The following SLC7A1 variants were observed in gnomAD, a reference collection of about 807,000 sequenced individuals.
SLC7A1 encodes high affinity cationic amino acid transporter 1.
In SLC7A1, 10 loss-of-function variants were observed where a neutral mutation model predicts 53.9. The ratio of observed to expected loss-of-function variants is 0.19; its 90% confidence interval spans 0.11 to 0.31. The LOEUF (loss-of-function observed/expected upper bound fraction) is 0.31, where lower values mean the gene tolerates loss of function less well. SLC7A1 is among the 10% of genes least tolerant of loss of function. The pLI, the probability that SLC7A1 is intolerant of heterozygous loss-of-function variation, is 1.00. For missense variants in SLC7A1, 525 were observed against 827.2 expected (o/e 0.63, Z 4.48); for synonymous variants, 342 against 338.7 (o/e 1.01, Z -0.11).
intron 1 of SLC7A1, among the ~76,000 whole-genome samples, chr13:29,594,208 G>T (rs1245229760): frequency 6.6e-6 from 1 of 152,184 alleles, no homozygotes; most frequent in African/African-American, 2.4e-5. Flanking sequence ...ATACAATTAG[G>T]GCATTCGGCC....
Position 29,510,096 on chromosome 13 carries a change from ATCT to A in SLC7A1, c.*4381_*4383del, listed in dbSNP as rs1444964687. The A allele has an allele frequency of 6.6e-6, 1 of 152,500 alleles. No homozygotes were observed. Among genetic ancestry groups the A allele is most frequent in the African/African-American group, 2.4e-5 (1 of 41,398 alleles). 9.4% of individuals were successfully genotyped at this position (152,500 alleles called of 1,614,324 possible). On this transcript the variant is annotated 3_prime_UTR_variant, in exon 13 of 13. Coordinates refer to ENST00000380752, the MANE Select transcript of SLC7A1 (RefSeq NM_003045.5). The stretch of plus-strand genomic sequence containing the variant: ...ACACACTAATAAATACCCTGAGAAA[ATCT>A]TCTCTTTAAGCTTGGCCAAGGTACT...
chr13:29,536,371 T>A (rs1869420946), intron 2 of SLC7A1, among the ~76,000 whole-genome samples, 169 bp from the exon 3 acceptor site: 1 of 152,216 alleles, frequency 6.6e-6, no homozygotes, highest in African/African-American at 2.4e-5. Context: ...GCACGCAGAC[T>A]TCTCCAGTTT....
intron 1 of SLC7A1, among the ~76,000 whole-genome samples, chr13:29,562,796 T>C (rs554716440): frequency 2.0e-5 from 3 of 152,322 alleles, no homozygotes; most frequent in Non-Finnish European, 2.9e-5. Context: ...TATATAATAT[T>C]TGTGGTTCTA....
intron 8 of SLC7A1, among the ~76,000 whole-genome samples, chr13:29,520,843 T>C (rs899264213): frequency 1.2e-4 from 18 of 152,384 alleles, no homozygotes; most frequent in African/African-American, 4.3e-4. Context: ...CAAATGCCGA[T>C]GTTCCTACTC....
chr13:29,577,133 G>A (rs10220050), intron 1 of SLC7A1, among the ~76,000 whole-genome samples: 9,990 of 152,202 alleles, frequency 0.066, 409 homozygotes, highest in Middle Eastern at 0.16. Flanking sequence ...AGCCTGAATC[G>A]GCAAAAGGTA....
chr13:29,569,693 TA>T lies in SLC7A1; in HGVS notation c.-114-15834del, dbSNP rs373599543. Among the ~76,000 whole-genome samples, 523 of 152,320 alleles carry T rather than the reference TA, an allele frequency of 3.4e-3. 4 individuals carry two copies. Among genetic ancestry groups the T allele is most frequent in the African/African-American group, 0.012 (490 of 41,568 alleles). Reference sequence around the variant, plus strand: ...ACATTGCACTATCAAGACAGATTTTTAAAAAATTCTTCAATGTAATGCAATA... The same window carrying T: ...ACATTGCACTATCAAGACAGATTTTTAAAAATTCTTCAATGTAATGCAATA... On this transcript the variant is annotated intron_variant, in intron 1 of 12. Coordinates refer to ENST00000380752, the MANE Select transcript of SLC7A1 (RefSeq NM_003045.5).
chr13:29,515,927 C>T (rs1348549640), intron 12 of SLC7A1, among the ~76,000 whole-genome samples: 1 of 152,256 alleles, frequency 6.6e-6, no homozygotes, highest in Non-Finnish European at 1.5e-5. Context: ...ATATCAAGGT[C>T]TTGCCCAAAA....
Position 29,536,164 on chromosome 13 carries a change from T to C in SLC7A1, c.25A>G (p.Ile9Val). MGCKVLLNIGQQMLRRKVV... is the reference protein window; with the variant it reads MGCKVLLNVGQQMLRRKVV... ...TTCCGCCGCAGCATCTGCTGCCCAA[T>C]GTTGAGCAGGACTTTGCACCCCATG... The change falls in exon 3 of 13, where the codon ATT becomes GTT. Residue 9 changes from isoleucine to valine, a missense_variant. This residue lies in a region of SLC7A1 where 354 missense variants were observed against 587.5 expected (regional missense o/e 0.60). Coordinates refer to ENST00000380752, the MANE Select transcript of SLC7A1 (RefSeq NM_003045.5). 1 of 1,613,838 alleles carries C rather than the reference T, an allele frequency of 6.2e-7. No homozygotes were observed. The highest frequency in any genetic ancestry group is 8.5e-7 in the Non-Finnish European group (1 of 1,179,902).
chr13:29,553,239 T>C (rs922925898), intron 2 of SLC7A1, among the ~76,000 whole-genome samples: 1 of 152,190 alleles, frequency 6.6e-6, no homozygotes, highest in Non-Finnish European at 1.5e-5. Context: ...GGAAGAAAAC[T>C]GGAAGCAGCC....
At chr13:29,547,454 G>A (rs1323122437) in intron 2 of SLC7A1, among the ~76,000 whole-genome samples, 1 of 152,182 alleles carries the variant, frequency 6.6e-6, no homozygotes, top group African/African-American at 2.4e-5. Context: ...GGCAGATAAA[G>A]CAGATGGATT....
At chr13:29,516,071 A>G (rs113238822) in intron 12 of SLC7A1, 67 bp downstream of exon 12, 8 of 934,206 alleles carry the variant, frequency 8.6e-6, no homozygotes, top group African/African-American at 4.8e-5. Flanking sequence ...CTGTTATGAA[A>G]TCTGAAACAA....
intron 1 of SLC7A1, among the ~76,000 whole-genome samples, chr13:29,594,611 C>A (rs963396851): frequency 2.6e-5 from 4 of 152,218 alleles, no homozygotes; most frequent in Admixed American, 2.6e-4. Flanking sequence ...GAAAGGAACA[C>A]CCTGAGAATA....
chr13:29,513,364 T>C lies in SLC7A1; in HGVS notation c.*1116A>G, dbSNP rs975842619. The stretch of plus-strand genomic sequence containing the variant: ...CATGGCCATTTCCAAGTTAATGTTA[T>C]GCCCTAACTTAATCTGGTGGAGTGT... On this transcript the variant is annotated 3_prime_UTR_variant, in exon 13 of 13. Coordinates refer to ENST00000380752, the MANE Select transcript of SLC7A1 (RefSeq NM_003045.5). The C allele has an allele frequency of 6.5e-6, 1 of 152,696 alleles. No individual in the cohort carries two copies. The allele number at this position is 152,696 out of a possible 1,614,324, so 9.5% of individuals were successfully genotyped here. A position where few individuals can be genotyped will look rare whatever the true frequency, so the allele number is the denominator to read the frequency against.
chr13:29,560,413 A>G (rs560274997), intron 1 of SLC7A1, among the ~76,000 whole-genome samples: 35 of 151,760 alleles, frequency 2.3e-4, no homozygotes, highest in Non-Finnish European at 4.6e-4. Context: ...AACGATAAAT[A>G]GTATAGTAAA....
chr13:29,590,362 C>CA (rs1872058137), intron 1 of SLC7A1, among the ~76,000 whole-genome samples: 1 of 152,184 alleles, frequency 6.6e-6, no homozygotes, highest in African/African-American at 2.4e-5. Flanking sequence ...TCCTGCCCCC[C>CA]ACCAAACACA....
chr13:29,526,518 T>A (rs185438730), intron 5 of SLC7A1, among the ~76,000 whole-genome samples: 179 of 150,966 alleles, frequency 1.2e-3, no homozygotes, highest in African/African-American at 4.1e-3. Context: ...AATTAAAAAA[T>A]AAATAAATAA....
chr13:29,584,621 C>T (rs1871799011), intron 1 of SLC7A1, among the ~76,000 whole-genome samples: 1 of 152,094 alleles, frequency 6.6e-6, no homozygotes, highest in Non-Finnish European at 1.5e-5. Flanking sequence ...TGTTCTAGTT[C>T]TGTTATGTCA....
Position 29,514,487 on chromosome 13 carries a change from C to T in SLC7A1, c.1883G>A (p.Cys628Tyr). Residue 628 changes from cysteine to tyrosine, a missense_variant, in exon 13 of 13, where the codon TGC (cysteine) becomes TAC (tyrosine). By Grantham distance (194) the Cys-to-Tyr change is radical (BLOSUM62 -2). Coordinates refer to ENST00000380752, the MANE Select transcript of SLC7A1 (RefSeq NM_003045.5). The part of the protein sequence containing the change: ...ARTPDGNLDQ[C>Y]K ...GGGGGGCGGGGCTGTGCGTCACTTG[C>T]ACTGGTCCAAGTTGCCGTCAGGAGT... The T allele has an allele frequency of 1.2e-6, 2 of 1,608,654 alleles. No homozygotes were observed. The highest frequency in any genetic ancestry group is 8.5e-7 in the Non-Finnish European group (1 of 1,179,132).
chr13:29,535,844 C>T lies in SLC7A1; in HGVS notation c.345G>A (p.Trp115Ter), dbSNP rs766369334. ...CGATGATGTAGGAGAGGATTAAGTT[C>T]CAGCCGGTGATGAAGGCCCAGAGCT... is the stretch of plus-strand genomic sequence containing the variant. ...VGELWAFITG[W>*]NLILSYIIGT... Residue 115 changes from tryptophan to a stop codon, truncating the protein, a stop_gained, in exon 3 of 13, where the codon TGG (tryptophan) becomes TGA (stop). Coordinates refer to ENST00000380752, the MANE Select transcript of SLC7A1 (RefSeq NM_003045.5). LOFTEE classifies it high-confidence loss of function. 6.2e-7 allele frequency: 1 copy of T among 1,614,104 alleles called. No homozygotes were observed. The highest frequency in any genetic ancestry group is 1.1e-5 in the South Asian group (1 of 91,070).
Sources: gnomAD v4.1 joint callset for allele counts (sites outside exome capture counted in the v4.1 genomes callset) on GRCh38, gnomAD v4.1.1 for gene constraint, gnomAD v4.1.1 regional missense constraint, MANE v1.5 for transcripts, NCBI Gene and HGNC (gene_info 2026-07-23, HGNC 2026-07-21) for gene names.